RAC2: variants seen among roughly 807,000 people sequenced by gnomAD.
The protein encoded by RAC2 is ras-related C3 botulinum toxin substrate 2.
Under a neutral mutation model 24.0 loss-of-function variants are expected in RAC2, and 1 was observed. The observed-to-expected ratio is 0.04, with a 90% confidence interval of 0.01 to 0.20. The LOEUF is 0.20. Among genes scored for constraint, RAC2 ranks in the 10% least tolerant of loss-of-function variants. RAC2 has a pLI of 1.00. For synonymous variants in RAC2, 114 were observed against 106.8 expected (o/e 1.07, Z -0.41); for missense variants, 130 against 259.1 (o/e 0.50, Z 3.42).
chr22:37,234,698 C>T (rs771494530), intron 2 of RAC2, among the ~76,000 whole-genome samples: 17 of 152,316 alleles, frequency 1.1e-4, no homozygotes, highest in Non-Finnish European at 2.2e-4. Flanking sequence ...AAAGCCCCTG[C>T]CCAGAATGTC....
chr22:37,243,984 C>A lies in RAC2; in HGVS notation c.35+130G>T, dbSNP rs1045658295. 2.1e-5 allele frequency: 27 copies of A among 1,259,734 alleles called. No homozygotes were observed. In the African/African-American group the frequency reaches 3.4e-4, roughly 16 times the overall value. 78.0% of individuals were successfully genotyped at this position (1,259,734 alleles called of 1,614,324 possible). A position where few individuals can be genotyped will look rare whatever the true frequency, so the allele number is the denominator to read the frequency against. ...CCCTGTGGGCCCTCGGAGAAGGAAG[C>A]GTCCCCTCCAAGCTGCCTTCCAGGG... On this transcript the variant is annotated intron_variant, in intron 1 of 6. Coordinates refer to ENST00000249071, the MANE Select transcript of RAC2 (RefSeq NM_002872.5).
intron 1 of RAC2, among the ~76,000 whole-genome samples, chr22:37,243,430 C>A (rs1357303561): frequency 6.6e-6 from 1 of 152,126 alleles, no homozygotes; most frequent in Admixed American, 6.5e-5. Context: ...CACAATCACC[C>A]TCCCATCCTT....
chr22:37,231,211 T>C lies in RAC2; in HGVS notation c.448+20A>G. On this transcript the variant is annotated intron_variant, in intron 5 of 6. Coordinates refer to ENST00000249071, the MANE Select transcript of RAC2 (RefSeq NM_002872.5). The surrounding 1 kb of genome is among the most constrained non-coding windows in gnomAD (Gnocchi z 5.5). ...GCCTCCCCTGCAGCCAGATCGCCCC[T>C]CTGAGCCCGAGGCCCATACCAATCT... The C allele has an allele frequency of 6.2e-7, 1 of 1,612,492 alleles. No homozygotes were observed. The highest frequency in any genetic ancestry group is 8.5e-7 in the Non-Finnish European group (1 of 1,179,924).
At chr22:37,230,201 C>A (rs1329842792) in intron 5 of RAC2, among the ~76,000 whole-genome samples, 1 of 148,604 alleles carries the variant, frequency 6.7e-6, no homozygotes, top group Non-Finnish European at 1.5e-5. Context: ...GAGGTGGTGG[C>A]TGCGGTTTCT....
In RAC2 at chr22:37,232,810, A is replaced by G; in HGVS notation, c.216T>C (p.Tyr72=). Residue 72 remains tyrosine, a synonymous_variant, in exon 3 of 7, where the codon TAT becomes TAC. Coordinates refer to ENST00000249071, the MANE Select transcript of RAC2 (RefSeq NM_002872.5). Reference sequence around the variant, plus strand: ...GGTGGGAGCAGCACACCGTCTGTGGATAGGAGAGCGGCCGGAGACGGTCGT... The same window carrying G: ...GGTGGGAGCAGCACACCGTCTGTGGGTAGGAGAGCGGCCGGAGACGGTCGT... ...EDYDRLRPLS[Y]PQTDVFLICF... is the part of the protein sequence containing the mutation. 6.2e-7 allele frequency: 1 copy of G among 1,613,054 alleles called. No individual in the cohort carries two copies. Among genetic ancestry groups the G allele is most frequent in the East Asian group, 2.2e-5 (1 of 44,880 alleles).
intron 1 of RAC2, 128 bp from the exon 2 acceptor site, chr22:37,241,786 C>G (rs1927403353): frequency 5.1e-6 from 4 of 791,698 alleles, no homozygotes; most frequent in Non-Finnish European, 8.8e-6. Context: ...TCCGTCTCCC[C>G]ATGTGAGATG....
chr22:37,229,214 A>T (rs952155759), intron 5 of RAC2, among the ~76,000 whole-genome samples: 1 of 152,060 alleles, frequency 6.6e-6, no homozygotes, highest in Non-Finnish European at 1.5e-5. Flanking sequence ...TCAGTCTCCC[A>T]TCTGTCTAGG....
At chr22:37,234,121 G>A (rs1213407908) in intron 2 of RAC2, among the ~76,000 whole-genome samples, 5 of 152,322 alleles carry the variant, frequency 3.3e-5, no homozygotes, top group South Asian at 2.1e-4. Context: ...ACTATGCATC[G>A]GGTGCAGAGC....
At chr22:37,236,899 A>AGG (rs1927241010) in intron 2 of RAC2, among the ~76,000 whole-genome samples, 2 of 152,102 alleles carry the variant, frequency 1.3e-5, no homozygotes, top group African/African-American at 4.8e-5. Flanking sequence ...TTGCATTTAT[A>AGG]AAAGGTCCCA....
chr22:37,232,802 G>A lies in RAC2; in HGVS notation c.224C>T (p.Thr75Met). ...DRLRPLSYPQ[T>M]DVFLICFSLV... ...GCAAGGCAGGTGGGAGCAGCACACCGTCTGTGGATAGGAGAGCGGCCGGAG... is the reference window on the plus strand; with the variant it reads ...GCAAGGCAGGTGGGAGCAGCACACCATCTGTGGATAGGAGAGCGGCCGGAG... The change falls in exon 3 of 7, where the codon ACG becomes ATG. Residue 75 changes from threonine (T) to methionine (M), a missense_variant and splice_region_variant. This residue lies in a region of RAC2 where 119 missense variants were observed against 192.1 expected (regional missense o/e 0.62). Transcript: ENST00000249071. 1.2e-6 allele frequency: 2 copies of A among 1,611,330 alleles called. No homozygotes were observed. The highest frequency in any genetic ancestry group is 1.7e-6 in the Non-Finnish European group (2 of 1,177,694).
rs778969295 is a variant in RAC2 at position 37,226,683 on chromosome 22, C to G, written c.569G>C (p.Ser190Thr). ...GGGGGACTCTTACCCCTAGAGGAGG[C>G]TGCAGGCGCGCTTCTGCTGCCGCGT... is the stretch of plus-strand genomic sequence containing the variant. The part of the protein sequence containing the change: ...QPTRQQKRAC[S>T]LL The change falls in exon 6 of 7, where the codon AGC becomes ACC. Residue 190 changes from serine (S) to threonine (T), a missense_variant. Around this residue, in one of 2 missense-constraint regions of RAC2, gnomAD observed 119 missense variants for 192.1 expected, o/e 0.62. Transcript: ENST00000249071. 3 of 1,612,760 alleles carry G rather than the reference C, an allele frequency of 1.9e-6. No homozygotes were observed. Among genetic ancestry groups the G allele is most frequent in the Non-Finnish European group, 2.5e-6 (3 of 1,179,472 alleles).
chr22:37,238,634 C>T (rs554100757), intron 2 of RAC2, among the ~76,000 whole-genome samples: 14 of 152,212 alleles, frequency 9.2e-5, no homozygotes, highest in Non-Finnish European at 1.6e-4. Flanking sequence ...CACAGGCACA[C>T]GAGGGCACTG....
rs1927496038 is a variant in RAC2, at chr22:37,244,225, G to C, written c.-77C>G. On this transcript the variant is annotated 5_prime_UTR_variant, in exon 1 of 7. Transcript: ENST00000249071. ...TTTCTGCGGGCGCAAGGGGTGTGGA[G>C]GCTGGTGAGGCGCCTGCTGAGGAGC... 12 of 1,536,336 alleles carry C rather than the reference G, an allele frequency of 7.8e-6. No individual in the cohort carries two copies. In the South Asian group the frequency reaches 1.1e-4, roughly 15 times the overall value.
At chr22:37,243,529 T>C (rs913512634) in intron 1 of RAC2, among the ~76,000 whole-genome samples, 1 of 151,894 alleles carries the variant, frequency 6.6e-6, no homozygotes, top group Non-Finnish European at 1.5e-5. Flanking sequence ...CCCAACCCGG[T>C]AGGCTGAGGG....
rs760444828 is a variant in RAC2, at chr22:37,231,172, G to A, written c.448+59C>T. The stretch of plus-strand genomic sequence containing the variant: ...CAGCCCGTGTTTACAATCACACCAC[G>A]AGGCCAAGTCAGGGCCTCCCCTGCA... On this transcript the variant is annotated intron_variant, in intron 5 of 6. Coordinates refer to ENST00000249071, the MANE Select transcript of RAC2 (RefSeq NM_002872.5). The surrounding 1 kb of genome is among the most constrained non-coding windows in gnomAD (Gnocchi z 5.5). 58 of 1,597,494 alleles carry A rather than the reference G, an allele frequency of 3.6e-5. No homozygotes were observed. Among genetic ancestry groups the A allele is most frequent in the Non-Finnish European group, 4.3e-5 (50 of 1,167,322 alleles).
chr22:37,237,781 G>T (rs973023478), intron 2 of RAC2, among the ~76,000 whole-genome samples: 1 of 152,088 alleles, frequency 6.6e-6, no homozygotes, highest in Non-Finnish European at 1.5e-5. Flanking sequence ...AAACTGGCGC[G>T]ATGGCAGGGA....
At chr22:37,240,097 TGA>T (rs998392707) in intron 2 of RAC2, among the ~76,000 whole-genome samples, 6 of 152,138 alleles carry the variant, frequency 3.9e-5, no homozygotes, top group African/African-American at 1.4e-4. Context: ...CTAAGGCAGC[TGA>T]GCAGAGTGTC....
rs112071138 is a variant in RAC2 at position 37,238,952 on chromosome 22, T to C, written c.107+2635A>G. ...GCTCTCAGGCTTATCTGATCTTGTA[T>C]CTGCAGCAGGGGCCTCCCCAACCCC... On this transcript the variant is annotated intron_variant, in intron 2 of 6. Coordinates refer to ENST00000249071, the MANE Select transcript of RAC2 (RefSeq NM_002872.5). 3.7e-3 allele frequency among the ~76,000 whole-genome samples: 563 copies of C among 152,270 alleles called. 1 individual carries two copies. Among genetic ancestry groups the C allele is most frequent in the Non-Finnish European group, 6.8e-3 (464 of 68,008 alleles).
chr22:37,241,775 C>T, intron 1 of RAC2, 117 bp from the exon 2 acceptor site: 1 of 871,134 alleles, frequency 1.1e-6, no homozygotes. Flanking sequence ...CCCTCTGGGC[C>T]TCCGTCTCCC....
Sources: allele counts gnomAD v4.1 joint callset (sites outside exome capture counted in the v4.1 genomes callset), GRCh38; gene constraint gnomAD v4.1.1; regional missense constraint gnomAD v4.1.1; non-coding constraint Gnocchi (gnomAD v3.1); transcripts MANE v1.5; gene names NCBI Gene and HGNC (gene_info 2026-07-23, HGNC 2026-07-21).